The following MAST2 variants were observed in gnomAD, a reference collection of about 807,000 sequenced individuals.
The protein encoded by MAST2 is microtubule associated serine/threonine kinase 2.
A neutral mutation model predicts 147.4 loss-of-function variants in MAST2; 70 were observed. The observed-to-expected ratio is 0.47, with a 90% CI of 0.39 to 0.58. The LOEUF is 0.58. MAST2 is among the 20% of genes least tolerant of loss of function. The probability of loss-of-function intolerance (pLI) is 0.00; values close to 1 mark genes in which losing one functional copy is unlikely to be tolerated. For missense variants in MAST2, 2,080 were observed against 2,302.3 expected (o/e 0.90, Z 1.98); for synonymous variants, 869 against 896.8 (o/e 0.97, Z 0.55).
intron 10 of MAST2, among the ~76,000 whole-genome samples, chr1:46,016,857 G>GCATCGCCAAGTCAATCCTAAGC (rs1472364255): frequency 6.6e-6 from 1 of 151,802 alleles, no homozygotes; most frequent in Non-Finnish European, 1.5e-5. Context: ...AAAAGAGCCC[G>GCATCGCCAAGTCAATCCTAAGC]CATCGCCAAG....
chr1:45,950,879 C>T (rs1658827928), intron 4 of MAST2, among the ~76,000 whole-genome samples: 1 of 152,004 alleles, frequency 6.6e-6, no homozygotes, highest in Non-Finnish European at 1.5e-5. Context: ...CCCAGGAGTT[C>T]GAAACCAGCC....
chr1:45,987,500 TGGG>T (rs1644675153), intron 5 of MAST2, among the ~76,000 whole-genome samples: 2 of 152,054 alleles, frequency 1.3e-5, no homozygotes, highest in Non-Finnish European at 2.9e-5. Context: ...TTTGTAGAGA[TGGG>T]GTCTCATCGT....
At chr1:45,949,373 G>C (rs1210298892) in intron 4 of MAST2, among the ~76,000 whole-genome samples, 1 of 151,974 alleles carries the variant, frequency 6.6e-6, no homozygotes, top group African/African-American at 2.4e-5. Flanking sequence ...CAAATTTACA[G>C]GAGAAAAACA....
chr1:45,818,230 A>C (rs1295989582), intron 1 of MAST2, among the ~76,000 whole-genome samples: 1 of 152,210 alleles, frequency 6.6e-6, no homozygotes, highest in Non-Finnish European at 1.5e-5. Context: ...ATTGCTGAGC[A>C]TACTTCTCAG....
At chr1:45,976,167 G>T (rs1416544979) in intron 5 of MAST2, among the ~76,000 whole-genome samples, 3 of 151,948 alleles carry the variant, frequency 2.0e-5, no homozygotes, top group Admixed American at 2.0e-4. Context: ...AGTAGAGACG[G>T]GGTATCACCA....
chr1:46,022,809 C>A, intron 12 of MAST2, 101 bp from the exon 13 acceptor site: 1 of 857,606 alleles, frequency 1.2e-6, no homozygotes, highest in Non-Finnish European at 2.0e-6. Context: ...ATGCAAAAAG[C>A]ATTAATGACT....
intron 4 of MAST2, among the ~76,000 whole-genome samples, chr1:45,908,111 G>T (rs1651078027): frequency 6.6e-6 from 1 of 151,432 alleles, no homozygotes; most frequent in East Asian, 1.9e-4. Flanking sequence ...CCAATTTTTG[G>T]TTTTGTTAAT....
chr1:45,951,479 A>T (rs531680706), intron 4 of MAST2, among the ~76,000 whole-genome samples: 1 of 152,246 alleles, frequency 6.6e-6, no homozygotes, highest in East Asian at 1.9e-4. Flanking sequence ...GCTACCCTGG[A>T]GGCTGAGGTG....
intron 5 of MAST2, among the ~76,000 whole-genome samples, chr1:45,994,538 C>T (rs1424342111): frequency 3.3e-5 from 5 of 152,144 alleles, no homozygotes; most frequent in East Asian, 1.9e-4. Flanking sequence ...CTGCCTGCCT[C>T]GGCCTCCCAA....
intron 10 of MAST2, among the ~76,000 whole-genome samples, chr1:46,019,365 G>A (rs1646089314): frequency 6.6e-6 from 1 of 152,156 alleles, no homozygotes; most frequent in South Asian, 2.1e-4. Context: ...AGGTACAGCT[G>A]TATGTCTGTG....
intron 9 of MAST2, 23 bp from the exon 10 acceptor site, chr1:46,010,707 T>G (rs776361923): frequency 1.2e-6 from 2 of 1,608,756 alleles, no homozygotes; most frequent in South Asian, 2.2e-5. Context: ...AGGGAAGTGT[T>G]TCTTTCTTGC....
rs1644733984 is a variant in MAST2 at position 45,824,573 on chromosome 1, T to G, written c.318T>G (p.Ser106=). ...CKLWRGNLAS[S]LSGKQLLPLS... Reference sequence around the variant, plus strand: ...TATGGAGAGGAAACCTGGCCAGCTCTCTATCGGGTAAATATCTGATTTTGT... The same window carrying G: ...TATGGAGAGGAAACCTGGCCAGCTCGCTATCGGGTAAATATCTGATTTTGT... Residue 106 remains serine (S), a synonymous_variant, in exon 2 of 29, where the codon TCT becomes TCG. Transcript: ENST00000361297. 1 of 1,591,118 alleles carries G rather than the reference T, an allele frequency of 6.3e-7. No homozygotes were observed. The highest frequency in any genetic ancestry group is 1.7e-5 in the Admixed American group (1 of 57,470).
chr1:45,856,040 G>A (rs144518423), intron 3 of MAST2, among the ~76,000 whole-genome samples: 66 of 152,316 alleles, frequency 4.3e-4, no homozygotes, highest in East Asian at 3.7e-3. Flanking sequence ...GCTGAAGGCA[G>A]GAAAAGCTCT....
chr1:45,934,791 C>T (rs193117844), intron 4 of MAST2, among the ~76,000 whole-genome samples: 160 of 152,256 alleles, frequency 1.1e-3, no homozygotes, highest in Non-Finnish European at 2.1e-3. Flanking sequence ...TTTCTTTATT[C>T]AGTCCTCTGT....
At chr1:45,968,936 T>C (rs1193848129) in intron 5 of MAST2, among the ~76,000 whole-genome samples, 1 of 151,762 alleles carries the variant, frequency 6.6e-6, no homozygotes, top group Non-Finnish European at 1.5e-5. Flanking sequence ...TCTGTTATCA[T>C]ATCCTCAAGA....
intron 3 of MAST2, among the ~76,000 whole-genome samples, chr1:45,870,514 T>TTATATA (rs35057731): frequency 1.4e-5 from 2 of 148,090 alleles, no homozygotes; most frequent in East Asian, 2.0e-4. Flanking sequence ...ATCAATTTGT[T>TTATATA]TATATATATA....
At chr1:45,893,599 T>TAA (rs35793282) in intron 4 of MAST2, among the ~76,000 whole-genome samples, 2 of 143,512 alleles carry the variant, frequency 1.4e-5, no homozygotes, top group Non-Finnish European at 3.0e-5. Flanking sequence ...TAGGATATTT[T>TAA]AAAAAAAAAA....
intron 4 of MAST2, among the ~76,000 whole-genome samples, chr1:45,938,902 C>T (rs953865758): frequency 6.6e-6 from 1 of 150,888 alleles, no homozygotes; most frequent in Non-Finnish European, 1.5e-5. Context: ...AAAATCTGTT[C>T]GTTTTTTTTT....
At chr1:45,814,275 A>T (rs112685051) in intron 1 of MAST2, among the ~76,000 whole-genome samples, 1 of 152,136 alleles carries the variant, frequency 6.6e-6, no homozygotes, top group African/African-American at 2.4e-5. Flanking sequence ...AATTCCAGGG[A>T]AGGCATTGTT....
Sources: gnomAD v4.1 joint callset for allele counts (sites outside exome capture counted in the v4.1 genomes callset) on GRCh38, gnomAD v4.1.1 for gene constraint, MANE v1.5 for transcripts, NCBI Gene and HGNC (gene_info 2026-07-23, HGNC 2026-07-21) for gene names.